BICC1: variants seen among roughly 807,000 people sequenced by gnomAD.
BICC1 encodes BicC family RNA binding protein 1.
A neutral mutation model predicts 111.0 loss-of-function variants in BICC1; 43 were observed. That is an observed-to-expected ratio of 0.39 (90% CI 0.30 to 0.50). BICC1 has a LOEUF of 0.50. Among genes scored for constraint, BICC1 ranks in the 20% least tolerant of loss-of-function variants. The probability of loss-of-function intolerance (pLI) is 0.88; values close to 1 mark genes in which losing one functional copy is unlikely to be tolerated. For missense variants in BICC1, 1,091 were observed against 1,203.2 expected (o/e 0.91, Z 1.38); for synonymous variants, 467 against 434.4 (o/e 1.07, Z -0.93).
intron 1 of BICC1, among the ~76,000 whole-genome samples, chr10:58,575,106 T>C (rs1844070966): frequency 6.6e-6 from 1 of 152,066 alleles, no homozygotes; most frequent in African/African-American, 2.4e-5. Flanking sequence ...GGTGGTTTGC[T>C]GCACCTATCA....
intron 1 of BICC1, among the ~76,000 whole-genome samples, chr10:58,566,459 A>T (rs999772423): frequency 2.0e-5 from 3 of 152,120 alleles, no homozygotes; most frequent in African/African-American, 7.2e-5. Flanking sequence ...TGCTACTATA[A>T]ACATGCATGT....
Position 58,831,362 on chromosome 10 carries a change from G to A in BICC1, c.*2471G>A, listed in dbSNP as rs1364902119. On this transcript the variant is annotated 3_prime_UTR_variant, in exon 21 of 21. Coordinates refer to ENST00000373886, the MANE Select transcript of BICC1 (RefSeq NM_001080512.3). ...GAGAGATGGAATTAACATTGAAAAT[G>A]GGAAATTTTTCTAACTGAATCAATT... The A allele has an allele frequency of 6.6e-5, 10 of 151,942 alleles. No homozygotes were observed. Among genetic ancestry groups the A allele is most frequent in the African/African-American group, 2.4e-4 (10 of 41,368 alleles). 9.4% of individuals were successfully genotyped at this position (151,942 alleles called of 1,614,324 possible).
intron 3 of BICC1, among the ~76,000 whole-genome samples, chr10:58,704,371 G>C (rs551063206): frequency 6.6e-6 from 1 of 152,344 alleles, no homozygotes; most frequent in East Asian, 1.9e-4. Flanking sequence ...GGAATTTACT[G>C]TTGAGAATTT....
intron 2 of BICC1, among the ~76,000 whole-genome samples, chr10:58,662,295 T>G (rs1193424123): frequency 6.6e-6 from 1 of 152,208 alleles, no homozygotes; most frequent in East Asian, 1.9e-4. Context: ...ATAATTTCGT[T>G]TCTAAAATTA....
At chr10:58,583,281 T>C (rs1378923281) in intron 1 of BICC1, among the ~76,000 whole-genome samples, 1 of 152,142 alleles carries the variant, frequency 6.6e-6, no homozygotes, top group African/African-American at 2.4e-5. Flanking sequence ...CATTTGGTTA[T>C]ATGGATAAAT....
At chr10:58,723,147 A>T (rs953769236) in intron 3 of BICC1, among the ~76,000 whole-genome samples, 2 of 152,240 alleles carry the variant, frequency 1.3e-5, no homozygotes, top group African/African-American at 4.8e-5. Flanking sequence ...CTTTTAGCAG[A>T]TCCTCAATAA....
Position 58,793,614 on chromosome 10 carries a change from A to C in BICC1, c.1178A>C (p.Lys393Thr), listed in dbSNP as rs1182545552. The C allele has an allele frequency of 6.2e-7, 1 of 1,613,706 alleles. No individual in the cohort carries two copies. Reference sequence around the variant, plus strand: ...AAACCAAAGCCCAAACAGCCAAGCAAGGTTGGTTCAGAGTCTGAATCCAGA... The same window carrying C: ...AAACCAAAGCCCAAACAGCCAAGCACGGTTGGTTCAGAGTCTGAATCCAGA... ...SIKPKPKQPS[K>T]SVIVKSVERN... Residue 393 changes from lysine to threonine, a missense_variant and splice_region_variant, in exon 9 of 21, where the codon AAG becomes ACG. Around this residue, in one of 3 missense-constraint regions of BICC1, gnomAD observed 843 missense variants for 900.8 expected, o/e 0.94. Coordinates refer to ENST00000373886, the MANE Select transcript of BICC1 (RefSeq NM_001080512.3).
At chr10:58,761,587 A>G (rs369769957) in intron 3 of BICC1, among the ~76,000 whole-genome samples, 17 of 152,324 alleles carry the variant, frequency 1.1e-4, no homozygotes, top group South Asian at 6.2e-4. Flanking sequence ...GTTAAATAAT[A>G]TAATTCAGTG....
rs781331473 is a variant in BICC1, at chr10:58,807,105, T to A, written c.2323T>A (p.Leu775Met). The A allele has an allele frequency of 3.8e-5, 61 of 1,613,678 alleles. 1 individual carries two copies. The highest frequency in any genetic ancestry group is 5.1e-5 in the Non-Finnish European group (60 of 1,179,854). Residue 775 changes from leucine to methionine, a missense_variant, in exon 17 of 21, where the codon TTG becomes ATG. Leu to Met is a conservative substitution (Grantham distance 15). Transcript: ENST00000373886. ...CATGCCAGCTGAAACTATCAAGGAG[T>A]TGAGAAGGGCCAATCATGTGTCCTA... ...KSMPAETIKE[L>M]RRANHVSYKP...
In BICC1 at chr10:58,677,102, C is replaced by T. The variant is rs547292677; in HGVS notation, c.238-24972C>T. Reference sequence around the variant, plus strand: ...ATCCCTGAAGATGAGGAAAAAGCAGCGCAAAAAGGCTGAAAATTCCAAAAA... The same window carrying T: ...ATCCCTGAAGATGAGGAAAAAGCAGTGCAAAAAGGCTGAAAATTCCAAAAA... On this transcript the variant is annotated intron_variant, in intron 2 of 20. Coordinates refer to ENST00000373886, the MANE Select transcript of BICC1 (RefSeq NM_001080512.3). 1.5e-4 allele frequency among the ~76,000 whole-genome samples: 23 copies of T among 152,270 alleles called. No individual in the cohort carries two copies. In the East Asian group the frequency reaches 2.1e-3, roughly 14 times the overall value.
chr10:58,755,902 A>T (rs1564595362), intron 3 of BICC1, among the ~76,000 whole-genome samples: 1 of 152,116 alleles, frequency 6.6e-6, no homozygotes, highest in African/African-American at 2.4e-5. Context: ...GTCACCTCAC[A>T]GTTCTGCTGT....
intron 1 of BICC1, among the ~76,000 whole-genome samples, chr10:58,620,038 C>A (rs1399082160): frequency 6.6e-6 from 1 of 152,188 alleles, no homozygotes; most frequent in Non-Finnish European, 1.5e-5. Context: ...TCCACCTACA[C>A]CTGAGTCAGA....
chr10:58,770,486 A>T (rs1589122601), intron 3 of BICC1, among the ~76,000 whole-genome samples: 1 of 152,138 alleles, frequency 6.6e-6, no homozygotes, highest in African/African-American at 2.4e-5. Flanking sequence ...AGTATAAAAA[A>T]ATTTCTCTAC....
chr10:58,717,202 A>G (rs1207855754), intron 3 of BICC1, among the ~76,000 whole-genome samples: 2 of 152,224 alleles, frequency 1.3e-5, no homozygotes, highest in African/African-American at 4.8e-5. Context: ...GGAAAATTTT[A>G]TGTAACCAGT....
At chr10:58,787,385 A>C (rs1401965942) in intron 5 of BICC1, among the ~76,000 whole-genome samples, 1 of 152,192 alleles carries the variant, frequency 6.6e-6, no homozygotes, top group Admixed American at 6.5e-5. Context: ...AGGACCTGGA[A>C]GCTTGCCTAG....
chr10:58,591,760 C>T (rs7091674), intron 1 of BICC1, among the ~76,000 whole-genome samples: 44,148 of 152,162 alleles, frequency 0.29, 6,722 homozygotes, highest in East Asian at 0.46. Flanking sequence ...AAGGCCATTG[C>T]CTTCTCAAGA....
At chr10:58,536,405 A>G (rs1189091257) in intron 1 of BICC1, among the ~76,000 whole-genome samples, 2 of 151,792 alleles carry the variant, frequency 1.3e-5, no homozygotes, top group South Asian at 4.1e-4. Context: ...AATAAAATCA[A>G]TTCCAAGAGT....
chr10:58,723,934 C>T (rs1841018675), intron 3 of BICC1, among the ~76,000 whole-genome samples: 1 of 152,154 alleles, frequency 6.6e-6, no homozygotes. Flanking sequence ...AAATTAGATT[C>T]TTTAAACAAG....
chr10:58,641,733 A>G (rs1291379990), intron 2 of BICC1, among the ~76,000 whole-genome samples: 1 of 152,218 alleles, frequency 6.6e-6, no homozygotes, highest in Non-Finnish European at 1.5e-5. Context: ...GGTTATATAG[A>G]TAAAACCTCT....
Sources: allele counts gnomAD v4.1 joint callset (sites outside exome capture counted in the v4.1 genomes callset), GRCh38; gene constraint gnomAD v4.1.1; regional missense constraint gnomAD v4.1.1; transcripts MANE v1.5; gene names NCBI Gene and HGNC (gene_info 2026-07-23, HGNC 2026-07-21).